Variants in PTPN4 observed in about 807,000 individuals in gnomAD.
PTPN4 encodes the protein tyrosine-protein phosphatase non-receptor type 4.
A neutral mutation model predicts 135.5 loss-of-function variants in PTPN4; 49 were observed. The observed-to-expected ratio is 0.36, with a 90% CI of 0.29 to 0.46. The LOEUF (loss-of-function observed/expected upper bound fraction) is 0.46. Ranked by LOEUF, PTPN4 falls within the 20% of genes least tolerant of loss-of-function variation. The pLI is 1.00. For synonymous variants in PTPN4, 333 were observed against 369.9 expected, an observed-to-expected ratio of 0.90 and a Z score of 1.14; for missense variants, 860 against 1,101.0, an observed-to-expected ratio of 0.78 and a Z score of 3.10.
chr2:119,955,062 G>T lies in PTPN4; in HGVS notation c.1814-95G>T, dbSNP rs140825203. 4.0e-4 allele frequency: 456 copies of T among 1,138,846 alleles called. No homozygotes were observed. The Middle Eastern group carries it at 7.5e-3, about 19-fold the overall frequency. The allele number at this position is 1,138,846 out of a possible 1,614,324, so 70.5% of individuals were successfully genotyped here. ...ATTCTTCACAAATGAATTATTTTTT[G>T]AACAAAACATTATACAGTGTATCTG... On this transcript the variant is annotated intron_variant, in intron 19 of 26. Transcript: ENST00000263708.
intron 9 of PTPN4, among the ~76,000 whole-genome samples, chr2:119,898,620 T>C (rs1160019560): frequency 1.3e-5 from 2 of 152,172 alleles, no homozygotes; most frequent in Non-Finnish European, 2.9e-5. Context: ...GAATAATTTA[T>C]TTATTAGATT....
chr2:119,900,838 C>T, intron 10 of PTPN4, 32 bp downstream of exon 10: 1 of 1,242,238 alleles, frequency 8.0e-7, no homozygotes, highest in Non-Finnish European at 1.1e-6. Flanking sequence ...TTTATGTTTA[C>T]CACTGTATTA....
Position 119,905,680 on chromosome 2 carries a change from G to A in PTPN4, c.764+4874G>A, listed in dbSNP as rs181152657. The stretch of plus-strand genomic sequence containing the variant: ...GAATATGCATTCTTCACCTCAGCAC[G>A]TGAAACACTCTTCAGAAAAGACCAT... On this transcript the variant is annotated intron_variant, in intron 10 of 26. Coordinates refer to ENST00000263708, the MANE Select transcript of PTPN4 (RefSeq NM_002830.4). Among the ~76,000 whole-genome samples, 9 of 152,200 alleles carry A rather than the reference G, an allele frequency of 5.9e-5. No individual in the cohort carries two copies. The East Asian group carries it at 1.2e-3, about 20-fold the overall frequency.
In PTPN4 at chr2:119,808,256, G is replaced by C. The variant is rs545860125; in HGVS notation, c.-17-1581G>C. 3.9e-5 allele frequency among the ~76,000 whole-genome samples: 6 copies of C among 152,250 alleles called. No individual in the cohort carries two copies. The South Asian group carries it at 1.2e-3, about 32-fold the overall frequency. On this transcript the variant is annotated intron_variant, in intron 1 of 26. Coordinates refer to ENST00000263708, the MANE Select transcript of PTPN4 (RefSeq NM_002830.4). ...GTCAGGCAAGAGAAAGAAATAAAGG[G>C]TATTCAGTTAGGAAAAGAGGAAGTC... is the stretch of plus-strand genomic sequence containing the variant.
At chr2:119,898,723 T>C (rs773231565) in intron 9 of PTPN4, among the ~76,000 whole-genome samples, 4 of 152,198 alleles carry the variant, frequency 2.6e-5, no homozygotes, top group Non-Finnish European at 5.9e-5. Context: ...ACATTGGAAT[T>C]AATAACATTT....
intron 21 of PTPN4, 36 bp from the exon 22 acceptor site, chr2:119,956,980 C>G: frequency 6.2e-7 from 1 of 1,604,832 alleles, no homozygotes; most frequent in African/African-American, 1.3e-5. Flanking sequence ...TTAAACATAA[C>G]TTTACTAAAA....
At chr2:119,845,045 GC>G (rs1677468078) in intron 2 of PTPN4, among the ~76,000 whole-genome samples, 1 of 149,296 alleles carries the variant, frequency 6.7e-6, no homozygotes. Flanking sequence ...GCGGTTAGGG[GC>G]TGGAGACCGG....
At chr2:119,876,420 G>A (rs1389656318) in intron 3 of PTPN4, among the ~76,000 whole-genome samples, 2 of 152,112 alleles carry the variant, frequency 1.3e-5, no homozygotes, top group African/African-American at 2.4e-5. Flanking sequence ...TGATGTGTTG[G>A]ATGTTATGGA....
intron 2 of PTPN4, among the ~76,000 whole-genome samples, chr2:119,838,852 A>C (rs1001362997): frequency 1.3e-5 from 2 of 152,366 alleles, no homozygotes; most frequent in South Asian, 2.1e-4. Flanking sequence ...TATTCAACTA[A>C]CCAAATATGT....
rs1166170758 is a variant in PTPN4, at chr2:119,784,623, G to T, written c.-18+24239G>T. ...AGGATGGTCTCGATCTCCTGACCTT[G>T]TGATCTGCCCGCCTTGGCCTCCCAA... On this transcript the variant is annotated intron_variant, in intron 1 of 26. Coordinates refer to ENST00000263708, the MANE Select transcript of PTPN4 (RefSeq NM_002830.4). Among the ~76,000 whole-genome samples the T allele has an allele frequency of 3.3e-5, 5 of 151,420 alleles. No individual in the cohort carries two copies. The East Asian group carries it at 9.7e-4, about 29-fold the overall frequency.
intron 2 of PTPN4, among the ~76,000 whole-genome samples, chr2:119,832,058 C>A (rs1049091211): frequency 1.3e-5 from 2 of 152,114 alleles, no homozygotes; most frequent in African/African-American, 4.8e-5. Context: ...GAGAATAGCT[C>A]ATAGAAAGCT....
intron 2 of PTPN4, among the ~76,000 whole-genome samples, chr2:119,830,551 C>T (rs905601317): frequency 6.6e-6 from 1 of 152,144 alleles, no homozygotes; most frequent in Admixed American, 6.5e-5. Context: ...TCAGTGCAGC[C>T]TCAGCCTTCC....
At chr2:119,965,434 G>T in intron 24 of PTPN4, 63 bp from the exon 25 acceptor site, 1 of 1,458,694 alleles carries the variant, frequency 6.9e-7, no homozygotes, top group Non-Finnish European at 9.3e-7. Context: ...AATTTTATGA[G>T]GTTTGTAGGG....
chr2:119,867,552 A>G (rs1475728913), intron 3 of PTPN4, among the ~76,000 whole-genome samples: 1 of 152,168 alleles, frequency 6.6e-6, no homozygotes, highest in Non-Finnish European at 1.5e-5. Context: ...GTTTATTTCT[A>G]GCATATAGAA....
At chr2:119,761,166 C>T (rs1690485764) in intron 1 of PTPN4, among the ~76,000 whole-genome samples, 1 of 152,178 alleles carries the variant, frequency 6.6e-6, no homozygotes, top group African/African-American at 2.4e-5. Context: ...GTGTCCAGAT[C>T]TTGGGCCCAG....
At chr2:119,914,248 ATT>A (rs55911315) in intron 10 of PTPN4, among the ~76,000 whole-genome samples, 74 of 97,398 alleles carry the variant, frequency 7.6e-4, no homozygotes, top group African/African-American at 1.9e-3. Flanking sequence ...TAGTTACTCA[ATT>A]TTTTTTTTTT....
intron 2 of PTPN4, among the ~76,000 whole-genome samples, chr2:119,831,077 G>A (rs988924700): frequency 5.3e-5 from 8 of 152,166 alleles, no homozygotes; most frequent in African/African-American, 1.9e-4. Context: ...GTAGGGCGTG[G>A]TTTGGGGATG....
At chr2:119,961,527 G>A (rs1024730035) in intron 23 of PTPN4, among the ~76,000 whole-genome samples, 1 of 152,178 alleles carries the variant, frequency 6.6e-6, no homozygotes, top group Non-Finnish European at 1.5e-5. Flanking sequence ...GTTAAACGTC[G>A]AGTTGGTATA....
intron 1 of PTPN4, among the ~76,000 whole-genome samples, chr2:119,794,363 T>C (rs1457834770): frequency 2.0e-5 from 3 of 152,184 alleles, no homozygotes; most frequent in African/African-American, 7.2e-5. Flanking sequence ...TGGCTCCCGC[T>C]ACCAGCCTGG....
Sources: allele counts gnomAD v4.1 joint callset (sites outside exome capture counted in the v4.1 genomes callset), GRCh38; gene constraint gnomAD v4.1.1; transcripts MANE v1.5; gene names NCBI Gene and HGNC (gene_info 2026-07-23, HGNC 2026-07-21).